Variants in ATP8B1 observed in about 807,000 individuals in gnomAD.
ATP8B1 encodes the protein phospholipid-transporting ATPase IC.
A neutral mutation model predicts 149.9 loss-of-function variants in ATP8B1; 80 were observed. The observed-to-expected ratio is 0.53, with a 90% CI of 0.45 to 0.64. The LOEUF (loss-of-function observed/expected upper bound fraction) is 0.64, where lower values mean the gene tolerates loss of function less well. Among genes scored for constraint, ATP8B1 ranks in the 30% least tolerant of loss-of-function variants. The pLI is 0.00. For missense variants in ATP8B1, 1,247 were observed against 1,552.6 expected, an observed-to-expected ratio of 0.80 and a Z score of 3.31; for synonymous variants, 536 against 562.8, an observed-to-expected ratio of 0.95 and a Z score of 0.67.
intron 1 of ATP8B1, among the ~76,000 whole-genome samples, chr18:57,776,010 A>C (rs1010788785): frequency 3.9e-5 from 6 of 152,172 alleles, no homozygotes; most frequent in Admixed American, 1.3e-4. Flanking sequence ...AATATCTAGT[A>C]ATGATGCCAG....
chr18:57,698,120 A>G (rs977209466), intron 6 of ATP8B1, among the ~76,000 whole-genome samples: 5 of 152,138 alleles, frequency 3.3e-5, no homozygotes, highest in Non-Finnish European at 7.3e-5. Context: ...TATGGGGGCC[A>G]CTTATGTGCG....
At chr18:57,656,196 C>G (rs940524902) in intron 22 of ATP8B1, among the ~76,000 whole-genome samples, 2 of 152,030 alleles carry the variant, frequency 1.3e-5, no homozygotes, top group East Asian at 3.9e-4. Context: ...AGTACCTAGT[C>G]CCCTGTATGA....
chr18:57,739,132 A>G (rs559400506), intron 1 of ATP8B1, among the ~76,000 whole-genome samples: 1 of 152,152 alleles, frequency 6.6e-6, no homozygotes, highest in Admixed American at 6.5e-5. Flanking sequence ...AGTAGCTGGG[A>G]TTACAGGTGC....
chr18:57,761,037 T>TAAATA (rs199579621), intron 1 of ATP8B1, among the ~76,000 whole-genome samples: 3 of 103,200 alleles, frequency 2.9e-5, no homozygotes, highest in African/African-American at 1.3e-4. Context: ...TAAAATAAAA[T>TAAATA]AAATAAAATA....
At position 57,691,944 on chromosome 18, in the gene ATP8B1, A is replaced by G. The variant is rs746059848; in HGVS notation, c.1083T>C (p.Tyr361=). ...AGGAATTGCCCACCTGTGCTTCCCA[A>G]TAAGCATGGCCGATGGCAAGACCAG... ...LSAGLAIGHA[Y]WEAQVGNSSW... Residue 361 remains tyrosine, a synonymous_variant, in exon 12 of 28, where the codon TAT becomes TAC. Transcript: ENST00000648908. 1.9e-6 allele frequency: 3 copies of G among 1,614,046 alleles called. No homozygotes were observed. Among genetic ancestry groups the G allele is most frequent in the South Asian group, 2.2e-5 (2 of 91,066 alleles).
At chr18:57,779,335 AAGAAGG>A (rs1004196234) in intron 1 of ATP8B1, among the ~76,000 whole-genome samples, 41 of 152,002 alleles carry the variant, frequency 2.7e-4, no homozygotes, top group African/African-American at 9.2e-4. Context: ...AAGGAAGAAG[AAGAAGG>A]AGAAGGAGAA....
At chr18:57,749,981 A>G (rs559935722) in intron 1 of ATP8B1, among the ~76,000 whole-genome samples, 64 of 152,308 alleles carry the variant, frequency 4.2e-4, no homozygotes, top group African/African-American at 1.4e-3. Context: ...AGTGGCTCAC[A>G]CCTGTAATCC....
At position 57,646,729 on chromosome 18, in the gene ATP8B1, G is replaced by A. The variant is rs372509568; in HGVS notation, c.*1759C>T. The A allele has an allele frequency of 1.3e-5, 2 of 152,498 alleles. No homozygotes were observed. The highest frequency in any genetic ancestry group is 4.8e-5 in the African/African-American group (2 of 41,404). 9.4% of individuals were successfully genotyped at this position (152,498 alleles called of 1,614,324 possible). A position where few individuals can be genotyped will look rare whatever the true frequency, so the allele number is the denominator to read the frequency against. Reference sequence around the variant, plus strand: ...TACAAGTTAAGGAAAAGTTGTAAACGTTCAGGATTTTACTTCCACAGAATA... The same window carrying A: ...TACAAGTTAAGGAAAAGTTGTAAACATTCAGGATTTTACTTCCACAGAATA... On this transcript the variant is annotated 3_prime_UTR_variant, in exon 28 of 28. Coordinates refer to ENST00000648908, the MANE Select transcript of ATP8B1 (RefSeq NM_001374385.1).
At chr18:57,704,443 C>A in intron 4 of ATP8B1, 112 bp downstream of exon 4, 2 of 768,980 alleles carry the variant, frequency 2.6e-6, no homozygotes, top group Non-Finnish European at 2.2e-6. Context: ...TGTACAGAAC[C>A]CTGATGCTAA....
At chr18:57,696,612 G>T (rs1282201446) in intron 8 of ATP8B1, among the ~76,000 whole-genome samples, 2 of 150,932 alleles carry the variant, frequency 1.3e-5, no homozygotes, top group Admixed American at 1.3e-4. Flanking sequence ...AGCAATGACA[G>T]CCCTAGTTTT....
intron 1 of ATP8B1, among the ~76,000 whole-genome samples, chr18:57,752,121 C>T (rs1286278545): frequency 6.6e-6 from 1 of 151,486 alleles, no homozygotes; most frequent in Non-Finnish European, 1.5e-5. Context: ...GTGGGAGGAT[C>T]GTTTGAGCCC....
At chr18:57,746,133 C>T (rs1357506632) in intron 1 of ATP8B1, among the ~76,000 whole-genome samples, 1 of 152,192 alleles carries the variant, frequency 6.6e-6, no homozygotes, top group Non-Finnish European at 1.5e-5. Context: ...TTAGAACTAA[C>T]ATTTGCACTG....
At chr18:57,776,833 T>A (rs1019337596) in intron 1 of ATP8B1, among the ~76,000 whole-genome samples, 2 of 152,126 alleles carry the variant, frequency 1.3e-5, no homozygotes, top group African/African-American at 2.4e-5. Context: ...CCCCCTTCCC[T>A]CAAAGGTCAA....
rs1444369543 is a variant in ATP8B1 at position 57,722,857 on chromosome 18, C to T, written c.181+8770G>A. 2.7e-5 allele frequency among the ~76,000 whole-genome samples: 4 copies of T among 147,638 alleles called. No homozygotes were observed. The South Asian group carries it at 6.6e-4, about 24-fold the overall frequency. On this transcript the variant is annotated intron_variant, in intron 2 of 27. Transcript: ENST00000648908. The stretch of plus-strand genomic sequence containing the variant: ...TGATGCAAAAATCCTCAATAAAATA[C>T]TGGCAAACCGAATCCAGCAACACAT...
chr18:57,710,595 C>A (rs1020593935), intron 2 of ATP8B1, among the ~76,000 whole-genome samples: 1 of 151,924 alleles, frequency 6.6e-6, no homozygotes, highest in Non-Finnish European at 1.5e-5. Context: ...GAAAAAAAAA[C>A]CATAGAAACA....
At chr18:57,743,202 G>C (rs1298608265) in intron 1 of ATP8B1, among the ~76,000 whole-genome samples, 1 of 151,958 alleles carries the variant, frequency 6.6e-6, no homozygotes, top group Non-Finnish European at 1.5e-5. Context: ...TTAGCTCCTA[G>C]CTATTCAGGC....
intron 13 of ATP8B1, among the ~76,000 whole-genome samples, chr18:57,686,641 G>A (rs535498888): frequency 1.3e-5 from 2 of 152,050 alleles, no homozygotes; most frequent in Admixed American, 6.6e-5. Flanking sequence ...GGCTGGTCTC[G>A]AACTCCTGAG....
rs1356405592 is a variant in ATP8B1 at position 57,647,533 on chromosome 18, AAGAT to A, written c.*951_*954del. On this transcript the variant is annotated 3_prime_UTR_variant, in exon 28 of 28. Transcript: ENST00000648908. ...ACTATAAATTTTAAAATCTGTTAATAAGATGGCCTATAGGGAGGAAAAAGGGGCC... is the reference window on the plus strand; with the variant it reads ...ACTATAAATTTTAAAATCTGTTAATAGGCCTATAGGGAGGAAAAAGGGGCC... 6.6e-6 allele frequency: 1 copy of A among 152,530 alleles called. No individual in the cohort carries two copies. Among genetic ancestry groups the A allele is most frequent in the Non-Finnish European group, 1.5e-5 (1 of 68,026 alleles). 9.4% of individuals were successfully genotyped at this position (152,530 alleles called of 1,614,324 possible).
At chr18:57,790,391 C>T (rs950289151) in intron 1 of ATP8B1, among the ~76,000 whole-genome samples, 14 of 151,060 alleles carry the variant, frequency 9.3e-5, no homozygotes, top group Non-Finnish European at 1.6e-4. Context: ...AATCACATCA[C>T]GCCGCTGCTT....
Sources: gnomAD v4.1 joint callset for allele counts (sites outside exome capture counted in the v4.1 genomes callset) on GRCh38, gnomAD v4.1.1 for gene constraint, MANE v1.5 for transcripts, NCBI Gene and HGNC (gene_info 2026-07-23, HGNC 2026-07-21) for gene names.